ARRDC2: variants seen among roughly 807,000 people sequenced by gnomAD.
ARRDC2 encodes the protein arrestin domain-containing protein 2.
A neutral mutation model predicts 38.9 loss-of-function variants in ARRDC2; 39 were observed. The ratio of observed to expected loss-of-function variants is 1.00; its 90% CI spans 0.78 to 1.31. The LOEUF (loss-of-function observed/expected upper bound fraction) is 1.31, where lower values mean the gene tolerates loss of function less well. ARRDC2 is among the 50% of genes most tolerant of loss of function. The pLI, the probability that ARRDC2 is intolerant of heterozygous loss-of-function variation, is 0.00. For missense variants in ARRDC2, 553 were observed against 588.4 expected (o/e 0.94, Z 0.62); for synonymous variants, 300 against 261.9 (o/e 1.15, Z -1.41).
At chr19:18,009,190 C>A in intron 3 of ARRDC2, 72 bp downstream of exon 3, 1 of 1,548,854 alleles carries the variant, frequency 6.5e-7, no homozygotes, top group Non-Finnish European at 8.8e-7. Flanking sequence ...CTGGGCGACA[C>A]CAACCAATAA....
chr19:18,002,579 C>T (rs545920063), intron 1 of ARRDC2, among the ~76,000 whole-genome samples: 11 of 152,326 alleles, frequency 7.2e-5, no homozygotes, highest in African/African-American at 2.6e-4. Flanking sequence ...CTCAGATTCT[C>T]GACAGCCCCA....
chr19:18,002,608 G>A (rs1157288476), intron 1 of ARRDC2, among the ~76,000 whole-genome samples: 1 of 152,186 alleles, frequency 6.6e-6, no homozygotes, highest in Non-Finnish European at 1.5e-5. Flanking sequence ...CCAGCGCTGC[G>A]GGCAATAGAA....
At position 18,009,626 on chromosome 19, in the gene ARRDC2, G is replaced by A. The variant is rs1009744292; in HGVS notation, c.524G>A (p.Arg175Gln). The stretch of plus-strand genomic sequence containing the variant: ...GCGGGGGCTCGGGAAAAGGTTGCCC[G>A]ATCCTGGTACTGTAACCGTGGCCTA... ...PQAGAREKVA[R>Q]SWYCNRGLVS... Residue 175 changes from arginine to glutamine, a missense_variant, in exon 4 of 8, where the codon CGA (arginine) becomes CAA (glutamine). Arg to Gln is a conservative substitution (Grantham distance 43, BLOSUM62 1). This residue lies in a region of ARRDC2 where 447 missense variants were observed against 456.6 expected (regional missense o/e 0.98). Coordinates refer to ENST00000222250, the MANE Select transcript of ARRDC2 (RefSeq NM_015683.2). 6.2e-6 allele frequency: 10 copies of A among 1,607,822 alleles called. No individual in the cohort carries two copies. The highest frequency in any genetic ancestry group is 1.6e-4 in the Middle Eastern group (1 of 6,074).
intron 7 of ARRDC2, among the ~76,000 whole-genome samples, chr19:18,011,953 T>TATATATATATA (rs371727974): frequency 4.7e-5 from 3 of 63,182 alleles, no homozygotes; most frequent in African/African-American, 1.3e-4. Flanking sequence ...TATATATATA[T>TATATATATATA]TTTTTTTTTT....
chr19:18,006,557 G>C (rs549718500), upstream of ARRDC2, among the ~76,000 whole-genome samples: 1 of 152,216 alleles, frequency 6.6e-6, no homozygotes, highest in African/African-American at 2.4e-5. Flanking sequence ...GCAGTGAGCC[G>C]AGATGGCAGC....
chr19:18,013,880 G>C lies in ARRDC2; in HGVS notation c.*914G>C, dbSNP rs1453849682. The C allele has an allele frequency of 6.6e-6, 1 of 152,130 alleles. No individual in the cohort carries two copies. Among genetic ancestry groups the C allele is most frequent in the Non-Finnish European group, 1.5e-5 (1 of 68,022 alleles). The allele number at this position is 152,130 out of a possible 1,614,324, so 9.4% of individuals were successfully genotyped here. ...GCATTACGTCACCCCTGGGGACAGA[G>C]GTCAGCCTAAGGTGACACACGGGGA... On this transcript the variant is annotated 3_prime_UTR_variant, in exon 8 of 8. Transcript: ENST00000222250.
chr19:18,010,062 G>A, intron 5 of ARRDC2, 23 bp downstream of exon 5: 1 of 1,604,314 alleles, frequency 6.2e-7, no homozygotes, highest in Non-Finnish European at 8.5e-7. Flanking sequence ...GCTGGCCCTG[G>A]GGGACAGTGC....
intron 2 of ARRDC2, 96 bp from the exon 3 acceptor site, chr19:18,008,875 T>C: frequency 6.3e-7 from 1 of 1,593,946 alleles, no homozygotes; most frequent in Non-Finnish European, 8.6e-7. Flanking sequence ...GCCCCAAGAC[T>C]CTCCCCCTGG....
chr19:18,006,048 T>G (rs1274441008), upstream of ARRDC2, among the ~76,000 whole-genome samples: 1 of 148,544 alleles, frequency 6.7e-6, no homozygotes, highest in African/African-American at 2.5e-5. Context: ...GCAGAGACGC[T>G]CCTCACTTCG....
Position 18,008,712 on chromosome 19 carries a change from T to C in ARRDC2, c.276T>C (p.Asp92=), listed in dbSNP as rs765744262. 9.3e-6 allele frequency: 15 copies of C among 1,612,940 alleles called. No homozygotes were observed. The African/African-American group carries it at 1.3e-4, about 14-fold the overall frequency. Reference sequence around the variant, plus strand: ...GCCTCCTTTTTCTCCTACCTGCAGATACCGGGGAGACCACGACGCTGCCTC... The same window carrying C: ...GCCTCCTTTTTCTCCTACCTGCAGACACCGGGGAGACCACGACGCTGCCTC... ...VSHRATLLAP[D]TGETTTLPPG... Residue 92 remains aspartate, a splice_region_variant and synonymous_variant, in exon 2 of 8, where the codon GAT becomes GAC. Transcript: ENST00000222250.
rs2033359198 is a variant in ARRDC2, at chr19:18,009,506, C to T, written c.490-86C>T. Reference sequence around the variant, plus strand: ...AACCAAGCCCTGCCCAAAGTCCTCCCTCAGCTGGGGGTGGTTTGGAAGCTC... The same window carrying T: ...AACCAAGCCCTGCCCAAAGTCCTCCTTCAGCTGGGGGTGGTTTGGAAGCTC... On this transcript the variant is annotated intron_variant, in intron 3 of 7. Coordinates refer to ENST00000222250, the MANE Select transcript of ARRDC2 (RefSeq NM_015683.2). 4 of 1,267,298 alleles carry T rather than the reference C, an allele frequency of 3.2e-6. No individual in the cohort carries two copies. The Admixed American group carries it at 9.0e-5, about 29-fold the overall frequency. The allele number at this position is 1,267,298 out of a possible 1,614,324, so 78.5% of individuals were successfully genotyped here.
chr19:18,008,260 C>G lies in ARRDC2; in HGVS notation c.-51C>G. 6.4e-7 allele frequency: 1 copy of G among 1,565,164 alleles called. No individual in the cohort carries two copies. Among genetic ancestry groups the G allele is most frequent in the Non-Finnish European group, 8.6e-7 (1 of 1,167,414 alleles). On this transcript the variant is annotated 5_prime_UTR_variant, in exon 1 of 8. Coordinates refer to ENST00000222250, the MANE Select transcript of ARRDC2 (RefSeq NM_015683.2). ...GCGTCGGCATCTTGAGCTGCCGGTT[C>G]GCGAGTTCGAGGCCAGGTTCCGCCT...
In ARRDC2 at chr19:18,014,094, G is replaced by C. The variant is rs2033464427; in HGVS notation, c.*1128G>C. The C allele has an allele frequency of 6.6e-6, 1 of 152,148 alleles. No individual in the cohort carries two copies. The highest frequency in any genetic ancestry group is 1.5e-5 in the Non-Finnish European group (1 of 68,020). The allele number at this position is 152,148 out of a possible 1,614,324, so 9.4% of individuals were successfully genotyped here. A position where few individuals can be genotyped will look rare whatever the true frequency, so the allele number is the denominator to read the frequency against. ...ATTATTTTTTAAAAGTAAACGTGTG[G>C]AGAAAGAATCCGGGCTTCTTGGTTT... On this transcript the variant is annotated 3_prime_UTR_variant, in exon 8 of 8. Coordinates refer to ENST00000222250, the MANE Select transcript of ARRDC2 (RefSeq NM_015683.2).
chr19:18,009,228 G>C, intron 3 of ARRDC2, 110 bp downstream of exon 3: 2 of 1,319,596 alleles, frequency 1.5e-6, no homozygotes, highest in Non-Finnish European at 1.0e-6. Flanking sequence ...GGCCCTGGCA[G>C]GGAGGGAGGC....
chr19:18,002,479 C>T (rs2033200913), intron 1 of ARRDC2, among the ~76,000 whole-genome samples: 1 of 152,176 alleles, frequency 6.6e-6, no homozygotes, highest in Admixed American at 6.5e-5. Flanking sequence ...TGCGGGAGGG[C>T]ATCATCCTCT....
At chr19:18,011,962 T>A (rs1396464535) in intron 7 of ARRDC2, among the ~76,000 whole-genome samples, 91 of 126,786 alleles carry the variant, frequency 7.2e-4, no homozygotes, top group African/African-American at 2.2e-3. Context: ...ATTTTTTTTT[T>A]TTTTTTTTTT....
At chr19:18,009,569 G>A (rs1371392814) in intron 3 of ARRDC2, 23 bp from the exon 4 acceptor site, 11 of 1,570,322 alleles carry the variant, frequency 7.0e-6, no homozygotes, top group Non-Finnish European at 9.5e-6. Context: ...ACTCATCCAT[G>A]TCACTTTCCT....
At chr19:18,010,967 A>G (rs2033400321) in intron 7 of ARRDC2, among the ~76,000 whole-genome samples, 1 of 151,764 alleles carries the variant, frequency 6.6e-6, no homozygotes, top group African/African-American at 2.4e-5. Context: ...GGCACACGCC[A>G]CCACATCCTG....
chr19:18,010,675 G>GTTC lies in ARRDC2; in HGVS notation c.1120_1122dup (p.Phe374dup). ...ACCCCGACATGAGCCTTGAAGGCCC[G>GTTC]TTCTTCGCCTACATCCAAGAGTTCC... On this transcript the variant is annotated inframe_insertion, in exon 7 of 8. Coordinates refer to ENST00000222250, the MANE Select transcript of ARRDC2 (RefSeq NM_015683.2). 6.2e-7 allele frequency: 1 copy of GTTC among 1,613,850 alleles called. No homozygotes were observed. Among genetic ancestry groups the GTTC allele is most frequent in the Non-Finnish European group, 8.5e-7 (1 of 1,180,022 alleles).
Sources: gnomAD v4.1 joint callset for allele counts (sites outside exome capture counted in the v4.1 genomes callset) on GRCh38, gnomAD v4.1.1 for gene constraint, gnomAD v4.1.1 regional missense constraint, MANE v1.5 for transcripts, NCBI Gene and HGNC (gene_info 2026-07-23, HGNC 2026-07-21) for gene names.